Variants in DIAPH3 observed in about 807,000 individuals in gnomAD.
DIAPH3 encodes the protein diaphanous related formin 3, also known as protein diaphanous homolog 3.
DIAPH3 carries 117 observed loss-of-function variants against 144.3 expected under a neutral mutation model. That is an observed-to-expected ratio of 0.81 (90% confidence interval 0.70 to 0.95). The LOEUF (loss-of-function observed/expected upper bound fraction) is 0.95. DIAPH3 is among the 40% of genes least tolerant of loss of function. The pLI is 0.00. For synonymous variants in DIAPH3, 519 were observed against 488.9 expected, an observed-to-expected ratio of 1.06 and a Z score of -0.81; for missense variants, 1,421 against 1,412.7, an observed-to-expected ratio of 1.01 and a Z score of -0.09.
chr13:60,121,049 T>C (rs1566795151), intron 2 of DIAPH3, among the ~76,000 whole-genome samples: 2 of 152,196 alleles, frequency 1.3e-5, no homozygotes, highest in African/African-American at 4.8e-5. Flanking sequence ...AATATATCAA[T>C]AAATGTTCTT....
At chr13:59,766,231 C>G (rs1490459662) in intron 27 of DIAPH3, among the ~76,000 whole-genome samples, 1 of 151,970 alleles carries the variant, frequency 6.6e-6, no homozygotes. Flanking sequence ...TCACAGGGCC[C>G]GGGAGGCACC....
intron 23 of DIAPH3, 42 bp from the exon 24 acceptor site, chr13:59,833,313 C>T: frequency 6.6e-7 from 1 of 1,510,176 alleles, no homozygotes; most frequent in Non-Finnish European, 9.1e-7. Flanking sequence ...CAAAGTAATG[C>T]TTTGGGGGCA....
At chr13:59,690,451 T>C (rs752416696) in intron 27 of DIAPH3, among the ~76,000 whole-genome samples, 1 of 152,198 alleles carries the variant, frequency 6.6e-6, no homozygotes, top group Non-Finnish European at 1.5e-5. Flanking sequence ...TAATTTGCCC[T>C]AGACTGCATT....
intron 4 of DIAPH3, among the ~76,000 whole-genome samples, chr13:60,088,969 T>C (rs1201562259): frequency 2.6e-5 from 4 of 152,148 alleles, no homozygotes; most frequent in South Asian, 4.1e-4. Context: ...AGAAAAAATA[T>C]ATAAATCTTG....
intron 2 of DIAPH3, 121 bp downstream of exon 2, chr13:60,132,833 TAAG>T: frequency 2.5e-6 from 2 of 787,078 alleles, no homozygotes; most frequent in South Asian, 1.7e-5. Flanking sequence ...TTCAGCACTA[TAAG>T]AATAGTACGT....
intron 14 of DIAPH3, among the ~76,000 whole-genome samples, chr13:59,978,841 C>G (rs567856354): frequency 6.6e-6 from 1 of 151,754 alleles, no homozygotes; most frequent in East Asian, 1.9e-4. Flanking sequence ...AAGGTTGAGG[C>G]TCTGCTTAAT....
intron 4 of DIAPH3, among the ~76,000 whole-genome samples, chr13:60,088,233 G>A (rs2057815563): frequency 6.6e-6 from 1 of 151,834 alleles, no homozygotes; most frequent in African/African-American, 2.4e-5. Flanking sequence ...TCTCTACTAA[G>A]TATTCTTGGA....
intron 27 of DIAPH3, among the ~76,000 whole-genome samples, chr13:59,737,956 C>T (rs974994518): frequency 1.3e-5 from 2 of 152,054 alleles, no homozygotes; most frequent in African/African-American, 4.8e-5. Flanking sequence ...CAGTTGAAGT[C>T]AGGAGTTCGA....
intron 27 of DIAPH3, among the ~76,000 whole-genome samples, chr13:59,746,747 AT>A (rs1226400073): frequency 2.6e-5 from 4 of 152,216 alleles, no homozygotes; most frequent in Non-Finnish European, 5.9e-5. Flanking sequence ...AATGAAGTTC[AT>A]AAAAGTATTT....
At chr13:59,803,730 C>T (rs2040055776) in intron 25 of DIAPH3, among the ~76,000 whole-genome samples, 1 of 152,088 alleles carries the variant, frequency 6.6e-6, no homozygotes, top group African/African-American at 2.4e-5. Flanking sequence ...AATTAGTGCA[C>T]AAAGTGGTTG....
intron 24 of DIAPH3, 194 bp downstream of exon 24, chr13:59,832,913 G>T: frequency 1.8e-6 from 1 of 566,528 alleles, no homozygotes. Context: ...TCTGATTACA[G>T]CTTAATGTTG....
intron 27 of DIAPH3, among the ~76,000 whole-genome samples, chr13:59,683,050 C>T (rs1461087236): frequency 6.6e-6 from 1 of 152,200 alleles, no homozygotes; most frequent in East Asian, 1.9e-4. Context: ...AAAGAATATG[C>T]TTTCATTCAT....
At position 59,992,559 on chromosome 13, in the gene DIAPH3, C is replaced by T. The variant is rs977577195; in HGVS notation, c.1039G>A (p.Ala347Thr). 3.1e-6 allele frequency: 5 copies of T among 1,611,832 alleles called. No homozygotes were observed. Among genetic ancestry groups the T allele is most frequent in the Middle Eastern group, 1.6e-4 (1 of 6,072 alleles). The change falls in exon 10 of 28, where the codon GCC becomes ACC. Residue 347 changes from alanine (A) to threonine (T), a missense_variant. Transcript: ENST00000400324. ...LQVACMQLIN[A>T]LVTSPDDLDF... ...AAATCATCAGGAGATGTAACCAGGG[C>T]ATTGATGAGCTGCATACAAGCTACC...
intron 4 of DIAPH3, among the ~76,000 whole-genome samples, chr13:60,090,693 C>A (rs970543033): frequency 4.6e-5 from 7 of 152,028 alleles, no homozygotes; most frequent in African/African-American, 1.4e-4. Flanking sequence ...AAAGTCTGTA[C>A]CCTAGAGTTA....
intron 27 of DIAPH3, among the ~76,000 whole-genome samples, chr13:59,711,901 T>A (rs373462575): frequency 1.3e-5 from 2 of 152,300 alleles, no homozygotes; most frequent in African/African-American, 4.8e-5. Flanking sequence ...AAGGATGGTA[T>A]CTGATCCACA....
At chr13:60,030,865 G>A (rs1049628108) in intron 5 of DIAPH3, among the ~76,000 whole-genome samples, 2 of 152,164 alleles carry the variant, frequency 1.3e-5, no homozygotes, top group African/African-American at 4.8e-5. Context: ...GAACAAGACA[G>A]ACATAGACCA....
chr13:60,116,519 C>T (rs994641661), intron 2 of DIAPH3, among the ~76,000 whole-genome samples: 1 of 151,948 alleles, frequency 6.6e-6, no homozygotes, highest in Non-Finnish European at 1.5e-5. Flanking sequence ...ACTTCATTGC[C>T]ATCATTTCTG....
At chr13:60,110,545 C>A (rs907018284) in intron 3 of DIAPH3, among the ~76,000 whole-genome samples, 11 of 152,172 alleles carry the variant, frequency 7.2e-5, no homozygotes, top group Admixed American at 5.2e-4. Context: ...GCTTCAGAAT[C>A]AATAGCAGTT....
intron 25 of DIAPH3, among the ~76,000 whole-genome samples, chr13:59,775,996 C>T (rs1011124586): frequency 6.6e-6 from 1 of 152,114 alleles, no homozygotes; most frequent in Non-Finnish European, 1.5e-5. Context: ...TCAAGAAAAC[C>T]GTAAGGACTT....
Sources: gnomAD v4.1 joint callset for allele counts (sites outside exome capture counted in the v4.1 genomes callset) on GRCh38, gnomAD v4.1.1 for gene constraint, MANE v1.5 for transcripts, NCBI Gene and HGNC (gene_info 2026-07-23, HGNC 2026-07-21) for gene names.